CDK17: variants seen among roughly 807,000 people sequenced by gnomAD.
CDK17 encodes the protein cyclin dependent kinase 17.
CDK17 carries 24 observed loss-of-function variants against 77.6 expected under a neutral mutation model. The observed-to-expected ratio is 0.31, with a 90% CI of 0.22 to 0.44. CDK17 has a LOEUF of 0.44. Among genes scored for constraint, CDK17 ranks in the 20% least tolerant of loss-of-function variants. The pLI, the probability that CDK17 is intolerant of heterozygous loss-of-function variation, is 1.00. For missense variants in CDK17, 429 were observed against 622.5 expected (o/e 0.69, Z 3.31); for synonymous variants, 203 against 210.4 (o/e 0.96, Z 0.30).
At position 96,353,086 on chromosome 12, in the gene CDK17, A is replaced by C. The variant is rs1299253911; in HGVS notation, c.-29-18221T>G. 3.3e-5 allele frequency among the ~76,000 whole-genome samples: 5 copies of C among 152,356 alleles called. No homozygotes were observed. The East Asian group carries it at 9.6e-4, about 29-fold the overall frequency. ...GCAGAGACTTCATATACTAATAAGTATTACTGACACTCCAAATATATTTGG... is the reference window on the plus strand; with the variant it reads ...GCAGAGACTTCATATACTAATAAGTCTTACTGACACTCCAAATATATTTGG... On this transcript the variant is annotated intron_variant, in intron 1 of 16. Coordinates refer to ENST00000261211, the MANE Select transcript of CDK17 (RefSeq NM_002595.5).
At chr12:96,317,521 G>C (rs1431008533) in intron 3 of CDK17, among the ~76,000 whole-genome samples, 1 of 100,062 alleles carries the variant, frequency 1.0e-5, no homozygotes, top group Non-Finnish European at 2.1e-5. Flanking sequence ...TTGAAATGAA[G>C]GAAAAAATGT....
At chr12:96,352,612 A>G (rs1412579889) in intron 1 of CDK17, among the ~76,000 whole-genome samples, 1 of 152,198 alleles carries the variant, frequency 6.6e-6, no homozygotes, top group African/African-American at 2.4e-5. Flanking sequence ...GGTAAACTAA[A>G]GACAACTAAA....
chr12:96,336,501 A>G (rs1175673185), intron 1 of CDK17, among the ~76,000 whole-genome samples: 5 of 152,234 alleles, frequency 3.3e-5, no homozygotes, highest in African/African-American at 9.6e-5. Flanking sequence ...AAAATCCACT[A>G]AAATAAAAAT....
intron 3 of CDK17, among the ~76,000 whole-genome samples, chr12:96,323,434 C>G (rs1475782936): frequency 6.6e-6 from 1 of 151,882 alleles, no homozygotes; most frequent in Non-Finnish European, 1.5e-5. Flanking sequence ...CCCCTCCAGC[C>G]TGGGTGACAG....
chr12:96,331,784 T>C (rs1203047552), intron 2 of CDK17, among the ~76,000 whole-genome samples: 1 of 152,194 alleles, frequency 6.6e-6, no homozygotes, highest in African/African-American at 2.4e-5. Flanking sequence ...TAATGTGTTC[T>C]GGATCTAGAG....
intron 1 of CDK17, among the ~76,000 whole-genome samples, chr12:96,387,529 T>C: frequency 1.3e-5 from 2 of 152,316 alleles, no homozygotes; most frequent in African/African-American, 4.8e-5. Context: ...TAATATATAA[T>C]AGTAAACAAT....
chr12:96,327,409 A>C (rs1187200366), intron 2 of CDK17, among the ~76,000 whole-genome samples: 1 of 152,170 alleles, frequency 6.6e-6, no homozygotes, highest in Admixed American at 6.5e-5. Context: ...CTGAAGATGG[A>C]GGGAAGCAGG....
chr12:96,358,561 T>C (rs1286905620), intron 1 of CDK17, among the ~76,000 whole-genome samples: 2 of 151,968 alleles, frequency 1.3e-5, no homozygotes, highest in African/African-American at 4.8e-5. Context: ...ATGGCTCACA[T>C]CTGTAATCTC....
intron 6 of CDK17, among the ~76,000 whole-genome samples, chr12:96,299,542 C>T (rs1272797928): frequency 1.3e-5 from 2 of 152,122 alleles, no homozygotes; most frequent in East Asian, 1.9e-4. Flanking sequence ...AGGCGCCCGC[C>T]ACCACGCCCA....
intron 6 of CDK17, among the ~76,000 whole-genome samples, chr12:96,299,977 G>C (rs2137085535): frequency 6.6e-6 from 1 of 152,316 alleles, no homozygotes; most frequent in South Asian, 2.1e-4. Flanking sequence ...CTGAACTCAT[G>C]CAATTTCCCA....
chr12:96,379,871 A>T (rs941111368), intron 1 of CDK17, among the ~76,000 whole-genome samples: 1 of 152,156 alleles, frequency 6.6e-6, no homozygotes, highest in Non-Finnish European at 1.5e-5. Context: ...CTCCTAAGAG[A>T]CAGTAAAACA....
At chr12:96,311,008 G>A (rs199832708) in intron 5 of CDK17, 44 bp downstream of exon 5, 9 of 1,555,042 alleles carry the variant, frequency 5.8e-6, no homozygotes, top group Non-Finnish European at 8.6e-7. Context: ...CAGCAAACAA[G>A]CAGATCTGAT....
At chr12:96,359,702 A>C (rs1953463335) in intron 1 of CDK17, among the ~76,000 whole-genome samples, 1 of 152,232 alleles carries the variant, frequency 6.6e-6, no homozygotes, top group African/African-American at 2.4e-5. Context: ...GCATACTATG[A>C]TGTATTAAAA....
intron 1 of CDK17, among the ~76,000 whole-genome samples, chr12:96,348,768 GAAGA>G (rs1408536344): frequency 8.6e-5 from 13 of 152,020 alleles, no homozygotes; most frequent in African/African-American, 2.4e-4. Flanking sequence ...AAACTCACAA[GAAGA>G]AAGAGACAAC....
rs1952156809 is a variant in CDK17, at chr12:96,280,143, G to A, written c.*99C>T. On this transcript the variant is annotated 3_prime_UTR_variant, in exon 17 of 17. Coordinates refer to ENST00000261211, the MANE Select transcript of CDK17 (RefSeq NM_002595.5). ...TGTGAAGAGGACAGTGTAGACAAAC[G>A]GAGATTCCAAGTCCACCAAAAGAAA... 1.1e-5 allele frequency: 13 copies of A among 1,211,422 alleles called. No individual in the cohort carries two copies. The highest frequency in any genetic ancestry group is 7.4e-5 in the Admixed American group (3 of 40,480). 75.0% of individuals were successfully genotyped at this position (1,211,422 alleles called of 1,614,324 possible).
Position 96,286,101 on chromosome 12 carries a change from ACTC to A in CDK17, c.1261_1263del (p.Glu421del). The A allele has an allele frequency of 6.6e-7, 1 of 1,510,294 alleles. No individual in the cohort carries two copies. Among genetic ancestry groups the A allele is most frequent in the South Asian group, 1.4e-5 (1 of 73,898 alleles). 93.6% of individuals were successfully genotyped at this position (1,510,294 alleles called of 1,614,324 possible). On this transcript the variant is annotated inframe_deletion, in exon 13 of 17. Coordinates refer to ENST00000261211, the MANE Select transcript of CDK17 (RefSeq NM_002595.5). ...TATTTTGGAAAGTTGTAGTTCTTGA[ACTC>A]CTCATTTGAAGAAATACCTGGCCAA...
At chr12:96,390,409 G>A (rs957771417) in intron 1 of CDK17, among the ~76,000 whole-genome samples, 1 of 149,290 alleles carries the variant, frequency 6.7e-6, no homozygotes, top group Admixed American at 6.6e-5. Flanking sequence ...GGGATTACAG[G>A]CATTTTAAAA....
chr12:96,296,655 T>C (rs1952411186), intron 9 of CDK17, among the ~76,000 whole-genome samples: 1 of 152,216 alleles, frequency 6.6e-6, no homozygotes, highest in Non-Finnish European at 1.5e-5. Flanking sequence ...AGAAACCTAC[T>C]GTAAGAATAC....
chr12:96,292,775 A>G (rs1222745580), intron 10 of CDK17, among the ~76,000 whole-genome samples: 2 of 152,228 alleles, frequency 1.3e-5, no homozygotes, highest in Non-Finnish European at 2.9e-5. Flanking sequence ...TCAATATGAA[A>G]AAGTTTACTT....
Sources: gnomAD v4.1 joint callset for allele counts (sites outside exome capture counted in the v4.1 genomes callset) on GRCh38, gnomAD v4.1.1 for gene constraint, MANE v1.5 for transcripts, NCBI Gene and HGNC (gene_info 2026-07-23, HGNC 2026-07-21) for gene names.